C1QTNF7: variants seen among roughly 807,000 people sequenced by gnomAD.
C1QTNF7 encodes the protein complement C1q tumor necrosis factor-related protein 7.
A neutral mutation model predicts 19.6 loss-of-function variants in C1QTNF7; 15 were observed. The observed-to-expected ratio is 0.76, with a 90% CI of 0.51 to 1.18. The LOEUF (loss-of-function observed/expected upper bound fraction) is 1.18, where lower values mean the gene tolerates loss of function less well. Among genes scored for constraint, C1QTNF7 ranks in the 50% most tolerant of loss-of-function variants. C1QTNF7 has a pLI of 0.00. For synonymous variants in C1QTNF7, 142 were observed against 137.5 expected (o/e 1.03, Z -0.23); for missense variants, 324 against 359.7 (o/e 0.90, Z 0.80).
chr4:15,371,203 G>A (rs1193733454), intron 1 of C1QTNF7, among the ~76,000 whole-genome samples: 3 of 152,226 alleles, frequency 2.0e-5, no homozygotes, highest in East Asian at 3.9e-4. Context: ...CCCAAGATCC[G>A]CTCCTCAAGC....
At chr4:15,400,557 A>G (rs1305824521) in intron 1 of C1QTNF7, among the ~76,000 whole-genome samples, 1 of 152,218 alleles carries the variant, frequency 6.6e-6, no homozygotes, top group Non-Finnish European at 1.5e-5. Context: ...TCCAACATTC[A>G]AGGAGACCAT....
chr4:15,368,331 T>C (rs1717602355), intron 1 of C1QTNF7, among the ~76,000 whole-genome samples: 1 of 152,198 alleles, frequency 6.6e-6, no homozygotes, highest in Admixed American at 6.5e-5. Flanking sequence ...AGGGTACATG[T>C]GCACAACTTG....
chr4:15,344,539 C>T (rs1319435703), intron 1 of C1QTNF7, among the ~76,000 whole-genome samples: 2 of 152,172 alleles, frequency 1.3e-5, no homozygotes, highest in Non-Finnish European at 2.9e-5. Context: ...AGTTTAACCC[C>T]TGTAAAATGG....
chr4:15,350,233 A>G (rs1238187954), intron 1 of C1QTNF7, among the ~76,000 whole-genome samples: 2 of 52,952 alleles, frequency 3.8e-5, no homozygotes, highest in Non-Finnish European at 8.1e-5. Context: ...GAAGGAGGAA[A>G]GAAGGGAGGG....
intron 1 of C1QTNF7, among the ~76,000 whole-genome samples, chr4:15,351,287 T>C (rs916644776): frequency 9.2e-5 from 14 of 152,200 alleles, no homozygotes; most frequent in Admixed American, 4.6e-4. Context: ...TCCTCCTCCA[T>C]AGCCATCTAG....
chr4:15,378,891 A>G (rs1015137883), intron 1 of C1QTNF7, among the ~76,000 whole-genome samples: 1 of 152,222 alleles, frequency 6.6e-6, no homozygotes, highest in African/African-American at 2.4e-5. Flanking sequence ...GAAGATCACC[A>G]TTCAGAGAAC....
At chr4:15,404,714 A>G (rs972884046) in intron 1 of C1QTNF7, among the ~76,000 whole-genome samples, 6 of 152,156 alleles carry the variant, frequency 3.9e-5, no homozygotes, top group African/African-American at 9.7e-5. Flanking sequence ...TAGGGTTGTC[A>G]TTTTATTCTT....
chr4:15,383,805 C>T (rs1718232589), intron 1 of C1QTNF7, among the ~76,000 whole-genome samples: 1 of 152,208 alleles, frequency 6.6e-6, no homozygotes, highest in Non-Finnish European at 1.5e-5. Context: ...CTTTAACCTG[C>T]CAGGTCCACC....
chr4:15,422,216 A>AAAAAAC (rs1343428555), intron 1 of C1QTNF7, among the ~76,000 whole-genome samples: 1 of 151,590 alleles, frequency 6.6e-6, no homozygotes, highest in Non-Finnish European at 1.5e-5. Flanking sequence ...TTTTTAAAAA[A>AAAAAAC]AAAAAAAAGG....
At chr4:15,349,936 T>G (rs1161161892) in intron 1 of C1QTNF7, among the ~76,000 whole-genome samples, 1 of 151,918 alleles carries the variant, frequency 6.6e-6, no homozygotes, top group African/African-American at 2.4e-5. Context: ...CTGTAACTCT[T>G]AGTTAATCAG....
At chr4:15,427,874 T>C (rs1367889790), upstream of C1QTNF7, 1 of 223,610 alleles carries the variant, frequency 4.5e-6, no homozygotes, top group African/African-American at 2.4e-5. Context: ...AACAAAACTG[T>C]AATTTTAACT....
intron 1 of C1QTNF7, among the ~76,000 whole-genome samples, chr4:15,400,111 A>G (rs957273388): frequency 1.3e-5 from 2 of 152,232 alleles, no homozygotes; most frequent in East Asian, 1.9e-4. Flanking sequence ...TGACACTGCA[A>G]CTAAGATATC....
intron 1 of C1QTNF7, among the ~76,000 whole-genome samples, chr4:15,357,799 C>T (rs572173565): frequency 2.4e-4 from 36 of 152,300 alleles, no homozygotes; most frequent in Non-Finnish European, 1.6e-4. Flanking sequence ...AGGTACTTCA[C>T]ATCCCTCGTA....
chr4:15,425,790 ATATCAGCT>A (rs1188562462), upstream of C1QTNF7, among the ~76,000 whole-genome samples: 6 of 152,206 alleles, frequency 3.9e-5, no homozygotes, highest in East Asian at 3.9e-4. Flanking sequence ...TGCTCATTAC[ATATCAGCT>A]AGAACCTTCT....
chr4:15,403,462 C>A (rs1370742094), intron 1 of C1QTNF7, among the ~76,000 whole-genome samples: 1 of 152,136 alleles, frequency 6.6e-6, no homozygotes, highest in Non-Finnish European at 1.5e-5. Context: ...TCATCCTCTG[C>A]CTCTCTCCTG....
rs138681761 is a variant in C1QTNF7, at chr4:15,356,798, G to A, written c.13+16591G>A. Among the ~76,000 whole-genome samples the A allele has an allele frequency of 8.4e-4, 128 of 152,180 alleles. No homozygotes were observed. The East Asian group carries it at 0.022, about 26-fold the overall frequency. Reference sequence around the variant, plus strand: ...TTTTTAACGATTGCCATTCTAACTGGCGTGAGATGGTATCTCATTGTGGTT... The same window carrying A: ...TTTTTAACGATTGCCATTCTAACTGACGTGAGATGGTATCTCATTGTGGTT... On this transcript the variant is annotated intron_variant, in intron 1 of 2. Transcript: ENST00000295297.
At chr4:15,380,862 TG>T (rs1560349013) in intron 1 of C1QTNF7, among the ~76,000 whole-genome samples, 2 of 149,174 alleles carry the variant, frequency 1.3e-5, no homozygotes, top group Non-Finnish European at 3.0e-5. Flanking sequence ...TTGAACCTGG[TG>T]GGTGGAGGTT....
chr4:15,376,125 A>C (rs577655955), intron 1 of C1QTNF7, among the ~76,000 whole-genome samples: 1 of 152,374 alleles, frequency 6.6e-6, no homozygotes, highest in South Asian at 2.1e-4. Flanking sequence ...AAAGCAATAA[A>C]AACCAAATGT....
intron 1 of C1QTNF7, among the ~76,000 whole-genome samples, chr4:15,351,635 G>C (rs559626872): frequency 2.6e-5 from 4 of 152,266 alleles, no homozygotes; most frequent in African/African-American, 9.6e-5. Flanking sequence ...ATCTCTGGGG[G>C]TGGAACCCAG....
Sources: allele counts gnomAD v4.1 joint callset (sites outside exome capture counted in the v4.1 genomes callset), GRCh38; gene constraint gnomAD v4.1.1; transcripts MANE v1.5; gene names NCBI Gene and HGNC (gene_info 2026-07-23, HGNC 2026-07-21).